Variants in NAALADL2 observed in about 807,000 individuals in gnomAD.
NAALADL2 encodes inactive N-acetylated-alpha-linked acidic dipeptidase-like protein 2.
In NAALADL2, 76 loss-of-function variants were observed where a neutral mutation model predicts 87.2. The ratio of observed to expected loss-of-function variants is 0.87; its 90% CI spans 0.72 to 1.05. The LOEUF (loss-of-function observed/expected upper bound fraction) is 1.05. Ranked by LOEUF, NAALADL2 falls within the 50% of genes least tolerant of loss-of-function variation. The probability of loss-of-function intolerance (pLI) is 0.00; values close to 1 mark genes in which losing one functional copy is unlikely to be tolerated. For missense variants in NAALADL2, 1,089 were observed against 945.8 expected, an observed-to-expected ratio of 1.15 and a Z score of -1.99; for synonymous variants, 354 against 331.0, an observed-to-expected ratio of 1.07 and a Z score of -0.75.
At chr3:174,791,435 T>C (rs1467799064) in intron 3 of NAALADL2, among the ~76,000 whole-genome samples, 3 of 152,220 alleles carry the variant, frequency 2.0e-5, no homozygotes, top group African/African-American at 4.8e-5. Flanking sequence ...CAAGAAGGCA[T>C]GTATGAACAC....
At chr3:174,483,411 C>T (rs1427343360) in intron 1 of NAALADL2, among the ~76,000 whole-genome samples, 2 of 151,776 alleles carry the variant, frequency 1.3e-5, no homozygotes, top group Non-Finnish European at 2.9e-5. Context: ...TGAGAATTCA[C>T]TATTATGAGA....
rs192969221 is a variant in NAALADL2, at chr3:175,229,728, A to G, written c.546-4203A>G. Among the ~76,000 whole-genome samples the G allele has an allele frequency of 2.9e-4, 44 of 152,102 alleles. No homozygotes were observed. In the East Asian group the frequency reaches 8.1e-3, roughly 28 times the overall value. On this transcript the variant is annotated intron_variant, in intron 2 of 13. Transcript: ENST00000454872. ...ACATATGAATAAACATTCAGACTACAGCAATAATATTAAGGATTTATTGAT... is the reference window on the plus strand; with the variant it reads ...ACATATGAATAAACATTCAGACTACGGCAATAATATTAAGGATTTATTGAT...
At chr3:174,545,070 G>A (rs916189779) in intron 1 of NAALADL2, among the ~76,000 whole-genome samples, 1 of 151,920 alleles carries the variant, frequency 6.6e-6, no homozygotes, top group African/African-American at 2.4e-5. Flanking sequence ...GGAGAGACAA[G>A]GTCTTGCCAT....
In NAALADL2 at chr3:175,236,092, G is replaced by C. The variant is rs530268559; in HGVS notation, c.819+1888G>C. ...CCCTTATGGGAGCATGTATTTGTTG[G>C]TCTTACTGTATAATGGGGAGATTCA... On this transcript the variant is annotated intron_variant, in intron 3 of 13. Transcript: ENST00000454872. Among the ~76,000 whole-genome samples the C allele has an allele frequency of 2.0e-5, 3 of 152,078 alleles. No homozygotes were observed. The South Asian group carries it at 6.2e-4, about 31-fold the overall frequency.
At chr3:175,093,027 G>T (rs1720435713) in intron 1 of NAALADL2, among the ~76,000 whole-genome samples, 1 of 151,698 alleles carries the variant, frequency 6.6e-6, no homozygotes, top group African/African-American at 2.4e-5. Flanking sequence ...ATCTCTTTTA[G>T]ATAATTATTC....
chr3:174,997,886 T>A (rs1252609831), intron 1 of NAALADL2, among the ~76,000 whole-genome samples: 1 of 151,790 alleles, frequency 6.6e-6, no homozygotes, highest in Non-Finnish European at 1.5e-5. Flanking sequence ...GTGATATAAA[T>A]AGAAACCAAA....
At chr3:175,600,440 T>G (rs573813300) in intron 10 of NAALADL2, among the ~76,000 whole-genome samples, 1 of 151,098 alleles carries the variant, frequency 6.6e-6, no homozygotes, top group Non-Finnish European at 1.5e-5. Flanking sequence ...TTCGTAAGCT[T>G]GAAATGAATT....
chr3:174,449,399 C>A (rs538621900), intron 1 of NAALADL2, among the ~76,000 whole-genome samples: 22 of 152,268 alleles, frequency 1.4e-4, no homozygotes, highest in African/African-American at 5.3e-4. Flanking sequence ...TATTGTGCCA[C>A]ATTTAATTTT....
intron 10 of NAALADL2, among the ~76,000 whole-genome samples, chr3:175,582,992 G>A (rs993176946): frequency 1.3e-5 from 2 of 152,086 alleles, no homozygotes; most frequent in Non-Finnish European, 2.9e-5. Context: ...CTATACAGAT[G>A]CTACTCGACT....
At chr3:174,787,219 T>C (rs956403802) in intron 3 of NAALADL2, among the ~76,000 whole-genome samples, 2 of 151,980 alleles carry the variant, frequency 1.3e-5, no homozygotes, top group African/African-American at 4.8e-5. Context: ...ATTTTTGTTA[T>C]TCGTCTCTTC....
intron 1 of NAALADL2, among the ~76,000 whole-genome samples, chr3:175,038,182 T>C (rs2108953602): frequency 6.6e-6 from 1 of 152,258 alleles, no homozygotes; most frequent in Non-Finnish European, 1.5e-5. Context: ...AACATTTTTT[T>C]AAGGATTCGT....
intron 1 of NAALADL2, among the ~76,000 whole-genome samples, chr3:174,956,325 T>G (rs895810022): frequency 1.3e-5 from 2 of 152,040 alleles, no homozygotes; most frequent in Non-Finnish European, 2.9e-5. Flanking sequence ...AATTTGGTTT[T>G]TATTTGGCAG....
chr3:175,083,140 G>A (rs73037227), intron 1 of NAALADL2, among the ~76,000 whole-genome samples: 7,194 of 152,162 alleles, frequency 0.047, 495 homozygotes, highest in African/African-American at 0.15. Flanking sequence ...TTCTAGGATG[G>A]ATTTTCCAGG....
At chr3:174,614,642 A>G (rs1720267946) in intron 2 of NAALADL2, among the ~76,000 whole-genome samples, 1 of 152,142 alleles carries the variant, frequency 6.6e-6, no homozygotes, top group Non-Finnish European at 1.5e-5. Context: ...AGTGATATGA[A>G]TTTAAAACCA....
chr3:174,730,100 T>C (rs1156648550), intron 2 of NAALADL2, among the ~76,000 whole-genome samples: 1 of 152,098 alleles, frequency 6.6e-6, no homozygotes, highest in East Asian at 1.9e-4. Context: ...TTCTGTAACC[T>C]TCTTAGCCTT....
intron 2 of NAALADL2, among the ~76,000 whole-genome samples, chr3:175,118,575 G>A (rs1725650738): frequency 1.3e-5 from 2 of 151,686 alleles, no homozygotes; most frequent in Admixed American, 1.3e-4. Context: ...GTATAGTGGT[G>A]CCACACACAA....
intron 9 of NAALADL2, among the ~76,000 whole-genome samples, chr3:175,539,679 G>A: frequency 6.6e-6 from 1 of 151,944 alleles, no homozygotes; most frequent in South Asian, 2.1e-4. Flanking sequence ...CCCCTTGACA[G>A]AATCATAATA....
At chr3:175,331,818 C>G (rs1440120980) in intron 5 of NAALADL2, among the ~76,000 whole-genome samples, 1 of 152,130 alleles carries the variant, frequency 6.6e-6, no homozygotes, top group African/African-American at 2.4e-5. Context: ...CAAATTGTCC[C>G]TCTATGCAGA....
rs550662747 is a variant in NAALADL2 at position 175,179,397 on chromosome 3, A to G, written c.546-54534A>G. On this transcript the variant is annotated intron_variant, in intron 2 of 13. Transcript: ENST00000454872. ...GACAGGATAGAGAGGGAGAAAAAAT[A>G]ATGGCTATCAGAGTGCTCTTTATTA... 2.0e-5 allele frequency among the ~76,000 whole-genome samples: 3 copies of G among 152,118 alleles called. No homozygotes were observed. In the South Asian group the frequency reaches 6.2e-4, roughly 32 times the overall value.
Sources: allele counts gnomAD v4.1 joint callset (sites outside exome capture counted in the v4.1 genomes callset), GRCh38; gene constraint gnomAD v4.1.1; transcripts MANE v1.5; gene names NCBI Gene and HGNC (gene_info 2026-07-23, HGNC 2026-07-21).